NEK8: variants seen among roughly 807,000 people sequenced by gnomAD.
NEK8 encodes the protein serine/threonine-protein kinase Nek8.
In NEK8, 51 loss-of-function variants were observed where a neutral mutation model predicts 77.2. The observed-to-expected ratio is 0.66, with a 90% confidence interval of 0.53 to 0.83. The LOEUF is 0.83. Among genes scored for constraint, NEK8 ranks in the 40% least tolerant of loss-of-function variants. The probability of loss-of-function intolerance (pLI) is 0.00; values close to 1 mark genes in which losing one functional copy is unlikely to be tolerated. For missense variants in NEK8, 787 were observed against 909.2 expected (o/e 0.87, Z 1.73); for synonymous variants, 365 against 363.2 (o/e 1.00, Z -0.06).
chr17:28,740,700 G>A lies in NEK8; in HGVS notation c.1568+87G>A. The A allele has an allele frequency of 1.3e-6, 2 of 1,588,274 alleles. No individual in the cohort carries two copies. The highest frequency in any genetic ancestry group is 1.3e-5 in the African/African-American group (1 of 74,558). On this transcript the variant is annotated intron_variant, in intron 11 of 14. Coordinates refer to ENST00000268766, the MANE Select transcript of NEK8 (RefSeq NM_178170.3). The surrounding 1 kb of genome is among the most constrained non-coding windows in gnomAD (Gnocchi z 4.7). Reference sequence around the variant, plus strand: ...CCATCATTGCCTACCTTTCACCAAAGACCAGAATTGAGGGGGTTGAGGGTG... The same window carrying A: ...CCATCATTGCCTACCTTTCACCAAAAACCAGAATTGAGGGGGTTGAGGGTG...
chr17:28,739,265 C>G (rs776151578), intron 10 of NEK8, 64 bp downstream of exon 10: 1 of 1,030,598 alleles, frequency 9.7e-7, no homozygotes, highest in Non-Finnish European at 1.5e-6. Context: ...CCCCTTCATA[C>G]CCACCTTCCA....
chr17:28,734,324 G>A (rs1053926319), intron 2 of NEK8, 136 bp downstream of exon 2: 7 of 792,684 alleles, frequency 8.8e-6, no homozygotes, highest in Middle Eastern at 3.0e-4. Flanking sequence ...ATCTGACCCC[G>A]GCTAGCCCCT....
In NEK8 at chr17:28,741,031, T is replaced by C. The variant is rs1245480245; in HGVS notation, c.1732+46T>C. The C allele has an allele frequency of 6.2e-7, 1 of 1,614,128 alleles. No homozygotes were observed. The highest frequency in any genetic ancestry group is 1.7e-5 in the Admixed American group (1 of 60,036). On this transcript the variant is annotated intron_variant, in intron 12 of 14. Coordinates refer to ENST00000268766, the MANE Select transcript of NEK8 (RefSeq NM_178170.3). This position sits in a 1 kb window ranked among gnomAD's most constrained non-coding sequence, Gnocchi z 4.5. ...GGAGGTCAGAGGGGGACTCACGGTC[T>C]CCTTGGTACCCTGTTGAAGCACCCC...
rs765574881 is a variant in NEK8 at position 28,737,437 on chromosome 17, C to T, written c.750C>T (p.Ser250=). Residue 250 remains serine, a synonymous_variant, in exon 5 of 15, where the codon AGC becomes AGT. Coordinates refer to ENST00000268766, the MANE Select transcript of NEK8 (RefSeq NM_178170.3). The surrounding 1 kb of genome is among the most constrained non-coding windows in gnomAD (Gnocchi z 4.8). ...SLEPAQRPPL[S]HIMAQPLCIR... Reference sequence around the variant, plus strand: ...AGCCTGCCCAGCGGCCACCACTCAGCCACATCATGGCACAGCCCCTCTGCA... The same window carrying T: ...AGCCTGCCCAGCGGCCACCACTCAGTCACATCATGGCACAGCCCCTCTGCA... The T allele has an allele frequency of 1.7e-5, 27 of 1,613,168 alleles. No homozygotes were observed. Among genetic ancestry groups the T allele is most frequent in the Non-Finnish European group, 1.7e-5 (20 of 1,180,018 alleles).
Position 28,741,653 on chromosome 17 carries a change from C to T in NEK8, c.2050+82C>T. The T allele has an allele frequency of 7.0e-7, 1 of 1,438,576 alleles. No individual in the cohort carries two copies. The allele number at this position is 1,438,576 out of a possible 1,614,324, so 89.1% of individuals were successfully genotyped here. A position where few individuals can be genotyped will look rare whatever the true frequency, so the allele number is the denominator to read the frequency against. Reference sequence around the variant, plus strand: ...CCCATCCCCAGTGTTCACAGATGGCCACATCACCAAAAGCATCTTTAGCCC... The same window carrying T: ...CCCATCCCCAGTGTTCACAGATGGCTACATCACCAAAAGCATCTTTAGCCC... On this transcript the variant is annotated intron_variant, in intron 14 of 14. Coordinates refer to ENST00000268766, the MANE Select transcript of NEK8 (RefSeq NM_178170.3). This position sits in a 1 kb window ranked among gnomAD's most constrained non-coding sequence, Gnocchi z 4.5.
Position 28,737,658 on chromosome 17 carries a change from C to A in NEK8, c.828-17C>A. 1 of 1,614,138 alleles carries A rather than the reference C, an allele frequency of 6.2e-7. No individual in the cohort carries two copies. Among genetic ancestry groups the A allele is most frequent in the Non-Finnish European group, 8.5e-7 (1 of 1,180,008 alleles). On this transcript the variant is annotated splice_polypyrimidine_tract_variant and intron_variant, in intron 5 of 14. Coordinates refer to ENST00000268766, the MANE Select transcript of NEK8 (RefSeq NM_178170.3). This position sits in a 1 kb window ranked among gnomAD's most constrained non-coding sequence, Gnocchi z 4.8. Reference sequence around the variant, plus strand: ...GTCAGGAGGGTCTTTGTCCTTAGGCCCCCATCTGTCCTGCAGGGCAGAGAA... The same window carrying A: ...GTCAGGAGGGTCTTTGTCCTTAGGCACCCATCTGTCCTGCAGGGCAGAGAA...
At chr17:28,732,223 G>A (rs1366744507) in intron 1 of NEK8, among the ~76,000 whole-genome samples, 1 of 151,964 alleles carries the variant, frequency 6.6e-6, no homozygotes, top group East Asian at 1.9e-4. Context: ...GGAGGCCGAG[G>A]TGGGAGCATA....
Position 28,734,206 on chromosome 17 carries a change from C to T in NEK8, c.253+18C>T. 6.2e-7 allele frequency: 1 copy of T among 1,609,398 alleles called. No individual in the cohort carries two copies. Among genetic ancestry groups the T allele is most frequent in the Non-Finnish European group, 8.5e-7 (1 of 1,175,590 alleles). On this transcript the variant is annotated intron_variant, in intron 2 of 14. Coordinates refer to ENST00000268766, the MANE Select transcript of NEK8 (RefSeq NM_178170.3). ...TGCACCAGGTGGGCCAGCCTCCTTA[C>T]AGTGGCCTGGCTGGAGGGCCTCTTA...
chr17:28,742,683 T>C lies in NEK8; in HGVS notation c.*696T>C, dbSNP rs537248931. On this transcript the variant is annotated 3_prime_UTR_variant, in exon 15 of 15. Transcript: ENST00000268766. ...GCTCACACCTGCATAGGCAGTGCTT[T>C]GGCCAGGAGGATCCCTTGATCCCTT... The C allele has an allele frequency of 1.7e-3, 257 of 153,794 alleles. 1 individual carries two copies. The highest frequency in any genetic ancestry group is 5.6e-3 in the African/African-American group (231 of 41,396). 9.5% of individuals were successfully genotyped at this position (153,794 alleles called of 1,614,324 possible). A position where few individuals can be genotyped will look rare whatever the true frequency, so the allele number is the denominator to read the frequency against.
intron 9 of NEK8, 146 bp from the exon 10 acceptor site, chr17:28,738,938 C>T: frequency 1.2e-6 from 1 of 844,464 alleles, no homozygotes; most frequent in Non-Finnish European, 2.1e-6. Context: ...CAATGGTTGC[C>T]CACCTGGCAG....
intron 8 of NEK8, 98 bp downstream of exon 8, chr17:28,738,343 C>A: frequency 7.2e-7 from 1 of 1,393,236 alleles, no homozygotes; most frequent in Non-Finnish European, 1.0e-6. Flanking sequence ...ATGCTTCTGT[C>A]TACTAGTTAT....
At chr17:28,729,600 T>C (rs56067920) in intron 1 of NEK8, among the ~76,000 whole-genome samples, 2,438 of 140,802 alleles carry the variant, frequency 0.017, 30 homozygotes, top group Non-Finnish European at 0.027. Context: ...TCGAGTGCAG[T>C]GGCACTATCT....
At chr17:28,735,096 G>C (rs2034350522) in intron 3 of NEK8, 92 bp downstream of exon 3, 6 of 1,513,768 alleles carry the variant, frequency 4.0e-6, no homozygotes, top group Non-Finnish European at 5.5e-6. Flanking sequence ...AAAAACCCTT[G>C]GCCCTTTGGC....
chr17:28,738,729 C>A lies in NEK8; in HGVS notation c.1281C>A (p.Ser427Arg), dbSNP rs1246139492. The A allele has an allele frequency of 2.5e-6, 4 of 1,613,858 alleles. No homozygotes were observed. Among genetic ancestry groups the A allele is most frequent in the Non-Finnish European group, 3.4e-6 (4 of 1,179,814 alleles). Residue 427 changes from serine to arginine, a missense_variant, in exon 9 of 15, where the codon AGC (serine) becomes AGA (arginine). Physicochemically the swap from Ser to Arg is moderately radical, Grantham distance 110 (BLOSUM62 -1). Coordinates refer to ENST00000268766, the MANE Select transcript of NEK8 (RefSeq NM_178170.3). The stretch of plus-strand genomic sequence containing the variant: ...GCAATGGGTGCCTAGGCCATGGCAG[C>A]CTCACTGACATCAGCCAGGTGGGTG... Reference protein sequence around the residue: ...SGSNGCLGHGSLTDISQPTIV... With the variant: ...SGSNGCLGHGRLTDISQPTIV...
At position 28,734,936 on chromosome 17, in the gene NEK8, C is replaced by T. The variant is rs757554273; in HGVS notation, c.418C>T (p.Arg140Cys). ...KTQNILLDKHRMVVKIGDFGI... is the reference protein window; with the variant it reads ...KTQNILLDKHCMVVKIGDFGI... ...CCAGAACATCCTGCTTGACAAACAC[C>T]GCATGGTCGTCAAGATCGGTGATTT... Residue 140 changes from arginine to cysteine, a missense_variant, in exon 3 of 15, where the codon CGC becomes TGC. Physicochemically the swap from Arg to Cys is radical, Grantham distance 180. Around this residue, in one of 2 missense-constraint regions of NEK8, gnomAD observed 271 missense variants for 365.1 expected, o/e 0.74. Transcript: ENST00000268766. 51 of 1,613,702 alleles carry T rather than the reference C, an allele frequency of 3.2e-5. 1 individual carries two copies. In the South Asian group the frequency reaches 3.8e-4, roughly 12 times the overall value.
At chr17:28,732,475 C>T (rs963139751) in intron 1 of NEK8, among the ~76,000 whole-genome samples, 13 of 149,648 alleles carry the variant, frequency 8.7e-5, no homozygotes, top group African/African-American at 3.2e-4. Flanking sequence ...TACAGTATTG[C>T]AGAGGTAGAA....
rs540631595 is a variant in NEK8, at chr17:28,739,530, A to G, written c.1417+329A>G. The stretch of plus-strand genomic sequence containing the variant: ...AGTGGCGTGATCTCAGCTCACTGCA[A>G]CCTCCACCACCGGGTTCAAGCGAAT... On this transcript the variant is annotated intron_variant, in intron 10 of 14. Coordinates refer to ENST00000268766, the MANE Select transcript of NEK8 (RefSeq NM_178170.3). 8.6e-4 allele frequency among the ~76,000 whole-genome samples: 131 copies of G among 152,032 alleles called. 1 individual carries two copies. Among genetic ancestry groups the G allele is most frequent in the Middle Eastern group, 3.4e-3 (1 of 294 alleles).
rs1458317507 is a variant in NEK8 at position 28,728,799 on chromosome 17, ACT to A, written c.-12_-11del. On this transcript the variant is annotated 5_prime_UTR_variant, in exon 1 of 15. Transcript: ENST00000268766. ...GCGCCGCGTGGGGGACGGAAGTGAA[ACT>A]CTAAGAAATGAGATGGAGAAGTACG... is the stretch of plus-strand genomic sequence containing the variant. 6.4e-7 allele frequency: 1 copy of A among 1,550,856 alleles called. No homozygotes were observed. Among genetic ancestry groups the A allele is most frequent in the Non-Finnish European group, 8.7e-7 (1 of 1,146,390 alleles).
chr17:28,735,562 G>A (rs190377878), intron 4 of NEK8, among the ~76,000 whole-genome samples, 191 bp downstream of exon 4: 45 of 152,090 alleles, frequency 3.0e-4, no homozygotes, highest in Admixed American at 1.4e-3. Context: ...CCCATTAGAC[G>A]GAGGGCTCCT....
Sources: allele counts gnomAD v4.1 joint callset (sites outside exome capture counted in the v4.1 genomes callset), GRCh38; gene constraint gnomAD v4.1.1; regional missense constraint gnomAD v4.1.1; non-coding constraint Gnocchi (gnomAD v3.1); transcripts MANE v1.5; gene names NCBI Gene and HGNC (gene_info 2026-07-23, HGNC 2026-07-21).